PREPL: variants seen among roughly 807,000 people sequenced by gnomAD.
PREPL encodes prolyl endopeptidase like.
In PREPL, 77 loss-of-function variants were observed where a neutral mutation model predicts 70.6. The ratio of observed to expected loss-of-function variants is 1.09; its 90% CI spans 0.91 to 1.32. PREPL has a LOEUF of 1.32. Ranked by LOEUF, PREPL falls within the 40% of genes most tolerant of loss-of-function variation. The probability of loss-of-function intolerance (pLI) is 0.00; values close to 1 mark genes in which losing one functional copy is unlikely to be tolerated. For synonymous variants in PREPL, 315 were observed against 264.8 expected, an observed-to-expected ratio of 1.19 and a Z score of -1.84; for missense variants, 1,002 against 778.2, an observed-to-expected ratio of 1.29 and a Z score of -3.42.
chr2:44,334,543 T>C (rs953463287), intron 7 of PREPL, among the ~76,000 whole-genome samples: 6 of 152,082 alleles, frequency 3.9e-5, no homozygotes, highest in Non-Finnish European at 5.9e-5. Flanking sequence ...GTTGCTAAGA[T>C]AGAATTTATT....
chr2:44,346,678 G>A (rs1431248580), intron 1 of PREPL, among the ~76,000 whole-genome samples: 2 of 152,042 alleles, frequency 1.3e-5, no homozygotes, highest in African/African-American at 4.8e-5. Flanking sequence ...TCAGAAGAAT[G>A]TTCAGAAATA....
At chr2:44,355,759 A>T (rs1000281858) in intron 1 of PREPL, among the ~76,000 whole-genome samples, 1 of 86,100 alleles carries the variant, frequency 1.2e-5, no homozygotes, top group African/African-American at 4.3e-5. Context: ...TATTATATAT[A>T]TATATATATA....
chr2:44,345,275 A>C (rs1675672852), intron 2 of PREPL, among the ~76,000 whole-genome samples: 3 of 152,050 alleles, frequency 2.0e-5, no homozygotes, highest in African/African-American at 7.2e-5. Context: ...TTCTTAACCT[A>C]CTATTTCCAC....
chr2:44,336,169 C>G (rs1674617350), intron 7 of PREPL, among the ~76,000 whole-genome samples: 1 of 152,120 alleles, frequency 6.6e-6, no homozygotes, highest in Admixed American at 6.5e-5. Context: ...TAAAACAGAA[C>G]TACTATTTGA....
At chr2:44,354,458 C>T (rs1259045447) in intron 1 of PREPL, among the ~76,000 whole-genome samples, 1 of 152,140 alleles carries the variant, frequency 6.6e-6, no homozygotes, top group Admixed American at 6.5e-5. Context: ...AGTGATTTGA[C>T]TCCTATGGCT....
At chr2:44,321,797 C>T (rs780865811) in intron 13 of PREPL, 30 bp downstream of exon 13, 2 of 1,613,808 alleles carry the variant, frequency 1.2e-6, no homozygotes, top group Non-Finnish European at 1.7e-6. Context: ...GTTCGGGAAT[C>T]TGTCCACTGA....
rs1439562589 is a variant in PREPL at position 44,318,080 on chromosome 2, A to G, written c.*3276T>C. 2.3e-6 allele frequency: 1 copy of G among 438,800 alleles called. No homozygotes were observed. The highest frequency in any genetic ancestry group is 2.2e-5 in the African/African-American group (1 of 44,698). 27.2% of individuals were successfully genotyped at this position (438,800 alleles called of 1,614,324 possible). A position where few individuals can be genotyped will look rare whatever the true frequency, so the allele number is the denominator to read the frequency against. Reference sequence around the variant, plus strand: ...TTGCACATGTGCACAATAATACTTAAAGGATCTCAACACTGTTTTTTTTTT... The same window carrying G: ...TTGCACATGTGCACAATAATACTTAGAGGATCTCAACACTGTTTTTTTTTT... On this transcript the variant is annotated 3_prime_UTR_variant, in exon 14 of 14. Transcript: ENST00000409411.
chr2:44,324,335 G>C (rs934266870), intron 10 of PREPL, among the ~76,000 whole-genome samples: 1 of 152,090 alleles, frequency 6.6e-6, no homozygotes, highest in Non-Finnish European at 1.5e-5. Context: ...GACTGCATAA[G>C]CCTATGAGTG....
Position 44,339,133 on chromosome 2 carries a change from G to C in PREPL, c.702+14C>G. The C allele has an allele frequency of 1.9e-6, 3 of 1,612,618 alleles. No homozygotes were observed. Among genetic ancestry groups the C allele is most frequent in the Non-Finnish European group, 2.5e-6 (3 of 1,178,904 alleles). ...TTAACAGCCCAAATAGGAACAACGA[G>C]CATCCAGGATTACCTTAAATTCTGT... On this transcript the variant is annotated intron_variant, in intron 6 of 13. Coordinates refer to ENST00000409411, the MANE Select transcript of PREPL (RefSeq NM_001171613.2).
At chr2:44,331,065 C>A (rs1308316399) in intron 8 of PREPL, among the ~76,000 whole-genome samples, 1 of 152,102 alleles carries the variant, frequency 6.6e-6, no homozygotes, top group Non-Finnish European at 1.5e-5. Flanking sequence ...ACATCAGGTT[C>A]CCAAGAAGCA....
intron 1 of PREPL, among the ~76,000 whole-genome samples, chr2:44,357,600 A>G (rs908806941): frequency 6.6e-6 from 1 of 152,340 alleles, no homozygotes; most frequent in African/African-American, 2.4e-5. Context: ...GGGAATCTAT[A>G]AAAGAGAACG....
intron 8 of PREPL, among the ~76,000 whole-genome samples, chr2:44,329,761 G>T (rs1673901015): frequency 6.6e-6 from 1 of 152,158 alleles, no homozygotes; most frequent in African/African-American, 2.4e-5. Flanking sequence ...TAAGTTACTT[G>T]TAGGTTATGT....
At chr2:44,360,516 C>T (rs553720654) in intron 1 of PREPL, 1 of 152,150 alleles carries the variant, frequency 6.6e-6, no homozygotes. Context: ...CAACAAAAAA[C>T]CCCTGCAAGA....
intron 1 of PREPL, among the ~76,000 whole-genome samples, chr2:44,350,202 A>G (rs1414173923): frequency 2.0e-5 from 3 of 152,202 alleles, no homozygotes; most frequent in African/African-American, 7.2e-5. Flanking sequence ...TTAATTTTAA[A>G]AAGCACAAAA....
chr2:44,329,821 T>C (rs536081704), intron 8 of PREPL, among the ~76,000 whole-genome samples: 1 of 152,216 alleles, frequency 6.6e-6, no homozygotes, highest in Non-Finnish European at 1.5e-5. Context: ...TGATTGAAAC[T>C]AGGCAGTCTC....
At chr2:44,335,350 T>A (rs1422107361) in intron 7 of PREPL, among the ~76,000 whole-genome samples, 1 of 152,228 alleles carries the variant, frequency 6.6e-6, no homozygotes, top group African/African-American at 2.4e-5. Context: ...TTTCCTGACA[T>A]AGAATTTTGT....
chr2:44,320,434 TGAG>T lies in PREPL; in HGVS notation c.*919_*921del. The T allele has an allele frequency of 6.2e-7, 1 of 1,614,114 alleles. No individual in the cohort carries two copies. Among genetic ancestry groups the T allele is most frequent in the Non-Finnish European group, 8.5e-7 (1 of 1,179,962 alleles). On this transcript the variant is annotated 3_prime_UTR_variant, in exon 14 of 14. Transcript: ENST00000409411. ...ATGATTTCGGGCCTTCCCGCTAAAA[TGAG>T]AATAAGGTTAAGTACCAATTCTGCC...
Position 44,320,816 on chromosome 2 carries a change from A to C in PREPL, c.*540T>G, listed in dbSNP as rs1301517112. The C allele has an allele frequency of 1.6e-6, 1 of 641,610 alleles. No homozygotes were observed. The highest frequency in any genetic ancestry group is 1.8e-5 in the African/African-American group (1 of 54,826). 39.7% of individuals were successfully genotyped at this position (641,610 alleles called of 1,614,324 possible). ...ATGTTTTGAAAAAAATAAAATGTTTAAAAGTAAATTATGGCTTATAGGAGC... is the reference window on the plus strand; with the variant it reads ...ATGTTTTGAAAAAAATAAAATGTTTCAAAGTAAATTATGGCTTATAGGAGC... On this transcript the variant is annotated 3_prime_UTR_variant, in exon 14 of 14. Coordinates refer to ENST00000409411, the MANE Select transcript of PREPL (RefSeq NM_001171613.2).
At chr2:44,338,897 C>T (rs552817605) in intron 6 of PREPL, among the ~76,000 whole-genome samples, 14 of 152,324 alleles carry the variant, frequency 9.2e-5, no homozygotes, top group African/African-American at 3.4e-4. Flanking sequence ...TGTAAGTTTG[C>T]TCTTTTAAGC....
Sources: gnomAD v4.1 joint callset for allele counts (sites outside exome capture counted in the v4.1 genomes callset) on GRCh38, gnomAD v4.1.1 for gene constraint, MANE v1.5 for transcripts, NCBI Gene and HGNC (gene_info 2026-07-23, HGNC 2026-07-21) for gene names.